Variants in CACNA2D3 observed in about 807,000 individuals in gnomAD.
CACNA2D3 encodes the protein voltage-dependent calcium channel subunit alpha-2/delta-3.
CACNA2D3 carries 60 observed loss-of-function variants against 160.6 expected under a neutral mutation model. The ratio of observed to expected loss-of-function variants is 0.37; its 90% CI spans 0.30 to 0.46. The LOEUF is 0.46. Among genes scored for constraint, CACNA2D3 ranks in the 20% least tolerant of loss-of-function variants. The pLI, the probability that CACNA2D3 is intolerant of heterozygous loss-of-function variation, is 1.00. For missense variants in CACNA2D3, 1,205 were observed against 1,365.0 expected (o/e 0.88, Z 1.85); for synonymous variants, 558 against 492.9 (o/e 1.13, Z -1.75).
At chr3:54,335,886 C>T (rs1186289646) in intron 3 of CACNA2D3, among the ~76,000 whole-genome samples, 1 of 151,288 alleles carries the variant, frequency 6.6e-6, no homozygotes, top group Non-Finnish European at 1.5e-5. Context: ...TGTTTGTAGT[C>T]ACAGCTACTC....
At chr3:54,252,994 G>A (rs923323594) in intron 2 of CACNA2D3, among the ~76,000 whole-genome samples, 1 of 152,030 alleles carries the variant, frequency 6.6e-6, no homozygotes, top group East Asian at 1.9e-4. Context: ...TTTAAAGTCA[G>A]TATTTGATTT....
intron 3 of CACNA2D3, among the ~76,000 whole-genome samples, chr3:54,329,159 A>G (rs1352784218): frequency 6.6e-6 from 1 of 152,044 alleles, no homozygotes; most frequent in East Asian, 1.9e-4. Flanking sequence ...TGTATTAGCC[A>G]TTTCTTCTTC....
intron 2 of CACNA2D3, among the ~76,000 whole-genome samples, chr3:54,188,043 C>G (rs7639238): frequency 0.074 from 11,292 of 152,166 alleles, 474 homozygotes; most frequent in South Asian, 0.17. Context: ...GGTCCACAGA[C>G]AGAGCATCAG....
intron 4 of CACNA2D3, among the ~76,000 whole-genome samples, chr3:54,388,108 C>A (rs1197649353): frequency 1.3e-5 from 2 of 152,136 alleles, no homozygotes; most frequent in Non-Finnish European, 2.9e-5. Context: ...AACCAACATG[C>A]AGTGGTGTTC....
chr3:54,900,848 C>T (rs1192347383), intron 27 of CACNA2D3, among the ~76,000 whole-genome samples: 2 of 152,100 alleles, frequency 1.3e-5, no homozygotes, highest in Non-Finnish European at 2.9e-5. Context: ...CTTTTTTCCC[C>T]CCACTTTATT....
intron 11 of CACNA2D3, among the ~76,000 whole-genome samples, chr3:54,717,761 CGTGT>C (rs1298477440): frequency 2.3e-5 from 2 of 87,028 alleles, no homozygotes; most frequent in Admixed American, 1.4e-4. Context: ...TGTGTGCAAG[CGTGT>C]GTGTGGTGTG....
At chr3:54,974,389 A>G (rs973085282) in intron 29 of CACNA2D3, among the ~76,000 whole-genome samples, 2 of 152,240 alleles carry the variant, frequency 1.3e-5, no homozygotes, top group Non-Finnish European at 2.9e-5. Flanking sequence ...AGTGTTAGAA[A>G]GACTTTGTTT....
chr3:54,646,028 C>G (rs551859556), intron 11 of CACNA2D3, among the ~76,000 whole-genome samples: 1 of 151,898 alleles, frequency 6.6e-6, no homozygotes, highest in Non-Finnish European at 1.5e-5. Context: ...AATGGAATCT[C>G]GTATAGGTGA....
In CACNA2D3 at chr3:54,871,204, C is replaced by CACACACACACACACAGAG. The variant is rs1553897829; in HGVS notation, c.1627-320_1627-319insGAGACACACACACACACA. On this transcript the variant is annotated intron_variant, in intron 17 of 37. Transcript: ENST00000474759. ...GGAGACACACACACACACACACACA[C>CACACACACACACACAGAG]ACACACACACACACACACACCCCCC... 5.8e-4 allele frequency among the ~76,000 whole-genome samples: 85 copies of CACACACACACACACAGAG among 145,926 alleles called. 1 individual carries two copies. Among genetic ancestry groups the CACACACACACACACAGAG allele is most frequent in the African/African-American group, 2.2e-3 (83 of 37,318 alleles).
At chr3:54,390,075 T>C (rs1046987514) in intron 4 of CACNA2D3, among the ~76,000 whole-genome samples, 6 of 152,182 alleles carry the variant, frequency 3.9e-5, no homozygotes, top group African/African-American at 1.4e-4. Context: ...AAATCTGTTA[T>C]TTATGGCTCA....
chr3:54,475,767 T>C (rs1359927601), intron 4 of CACNA2D3, among the ~76,000 whole-genome samples: 1 of 150,804 alleles, frequency 6.6e-6, no homozygotes, highest in Non-Finnish European at 1.5e-5. Flanking sequence ...GATATACATA[T>C]ACATTACAAA....
chr3:54,712,504 T>C (rs1487037883), intron 11 of CACNA2D3, among the ~76,000 whole-genome samples: 1 of 152,172 alleles, frequency 6.6e-6, no homozygotes, highest in Non-Finnish European at 1.5e-5. Context: ...CTGATGGTTT[T>C]ATAAGGGGGA....
chr3:54,913,120 G>A (rs566650890), intron 27 of CACNA2D3, among the ~76,000 whole-genome samples: 3 of 152,060 alleles, frequency 2.0e-5, no homozygotes, highest in African/African-American at 4.8e-5. Flanking sequence ...GATCTCACTC[G>A]GTCACTCAGA....
intron 6 of CACNA2D3, 21 bp downstream of exon 6, chr3:54,562,952 A>C: frequency 6.2e-7 from 1 of 1,609,184 alleles, no homozygotes; most frequent in Non-Finnish European, 8.5e-7. Flanking sequence ...CTGCATTGAC[A>C]GTTATGACTC....
At chr3:54,541,278 GAAAAAAA>G (rs141900915) in intron 5 of CACNA2D3, among the ~76,000 whole-genome samples, 4 of 81,712 alleles carry the variant, frequency 4.9e-5, no homozygotes, top group African/African-American at 1.0e-4. Context: ...CTCCGTCTCA[GAAAAAAA>G]AAAAAAAAAA....
At chr3:54,406,784 G>A (rs566097945) in intron 4 of CACNA2D3, among the ~76,000 whole-genome samples, 43 of 152,090 alleles carry the variant, frequency 2.8e-4, no homozygotes, top group Admixed American at 1.2e-3. Flanking sequence ...ATTGTATTCC[G>A]GACTTTGGTT....
intron 3 of CACNA2D3, among the ~76,000 whole-genome samples, chr3:54,365,329 C>G (rs764761462): frequency 6.6e-6 from 1 of 152,146 alleles, no homozygotes; most frequent in Non-Finnish European, 1.5e-5. Context: ...TAAGATGTGT[C>G]TATAAACCTC....
At chr3:54,812,293 C>A (rs546825865) in intron 13 of CACNA2D3, among the ~76,000 whole-genome samples, 27 of 152,284 alleles carry the variant, frequency 1.8e-4, no homozygotes, top group African/African-American at 6.0e-4. Context: ...AAAAGAAAAG[C>A]AGCATGGCAA....
At chr3:54,959,640 G>A (rs189753864) in intron 27 of CACNA2D3, among the ~76,000 whole-genome samples, 11 of 152,224 alleles carry the variant, frequency 7.2e-5, no homozygotes, top group Non-Finnish European at 2.9e-5. Flanking sequence ...TAACTTGGAA[G>A]CTTATAATTT....
Sources: gnomAD v4.1 joint callset for allele counts (sites outside exome capture counted in the v4.1 genomes callset) on GRCh38, gnomAD v4.1.1 for gene constraint, MANE v1.5 for transcripts, NCBI Gene and HGNC (gene_info 2026-07-23, HGNC 2026-07-21) for gene names.